The following IL1RAPL2 variants were observed in gnomAD, a reference collection of about 807,000 sequenced individuals.
IL1RAPL2 encodes the protein interleukin 1 receptor accessory protein like 2.
In IL1RAPL2, 3 loss-of-function variants were observed where a neutral mutation model predicts 44.1. The ratio of observed to expected loss-of-function variants is 0.07; its 90% CI spans 0.03 to 0.18. The LOEUF is 0.18. Ranked by LOEUF, IL1RAPL2 falls within the 10% of genes least tolerant of loss-of-function variation. The pLI is 1.00. For synonymous variants in IL1RAPL2, 181 were observed against 178.8 expected (o/e 1.01, Z -0.10); for missense variants, 391 against 496.4 (o/e 0.79, Z 2.02).
At chrX:105,083,599 A>T (rs1184786379) in intron 2 of IL1RAPL2, among the ~76,000 whole-genome samples, 1 of 112,032 alleles carries the variant, frequency 8.9e-6, no homozygotes, top group African/African-American at 3.2e-5. Flanking sequence ...AGGTAAGTCC[A>T]TCAAATTAAC....
intron 5 of IL1RAPL2, among the ~76,000 whole-genome samples, chrX:105,271,675 G>T (rs1435519678): frequency 1.8e-5 from 2 of 110,923 alleles, no homozygotes; most frequent in Non-Finnish European, 3.8e-5. Context: ...CCATGAGCAT[G>T]GAATGTTCTT....
chrX:105,282,120 A>G (rs1413455317), intron 5 of IL1RAPL2, among the ~76,000 whole-genome samples: 2 of 112,299 alleles, frequency 1.8e-5, no homozygotes, highest in Non-Finnish European at 3.8e-5. Context: ...TAAGGTGGTC[A>G]GGGCAAGTAT....
chrX:104,703,473 T>C (rs1261933000), intron 2 of IL1RAPL2, among the ~76,000 whole-genome samples: 2 of 111,949 alleles, frequency 1.8e-5, no homozygotes, highest in Non-Finnish European at 3.8e-5. Flanking sequence ...AGTTAGCTAT[T>C]TATATGACTG....
chrX:104,910,462 G>A (rs5962996), intron 2 of IL1RAPL2, among the ~76,000 whole-genome samples: 6,258 of 111,576 alleles, frequency 0.056, 445 homozygotes, highest in African/African-American at 0.2. Flanking sequence ...GTGGCTTGCT[G>A]CACCCATCAA....
intron 5 of IL1RAPL2, among the ~76,000 whole-genome samples, chrX:105,294,186 T>A (rs1213385305): frequency 2.7e-5 from 3 of 112,007 alleles, no homozygotes; most frequent in Admixed American, 1.9e-4. Flanking sequence ...AATTTCCTTA[T>A]ACTTTTATCA....
chrX:104,839,394 T>C (rs1483616129), intron 2 of IL1RAPL2, among the ~76,000 whole-genome samples: 1 of 111,898 alleles, frequency 8.9e-6, no homozygotes, highest in Non-Finnish European at 1.9e-5. Flanking sequence ...CGTTTATTGA[T>C]TTGCGTATAT....
intron 6 of IL1RAPL2, among the ~76,000 whole-genome samples, chrX:105,675,115 A>G (rs1308464784): frequency 1.8e-5 from 2 of 111,154 alleles, no homozygotes; most frequent in Non-Finnish European, 3.8e-5. Context: ...AAACAAGGAC[A>G]TTTTGATTTC....
chrX:105,289,613 T>A (rs2034597621), intron 5 of IL1RAPL2, among the ~76,000 whole-genome samples: 1 of 111,638 alleles, frequency 9.0e-6, no homozygotes, highest in East Asian at 2.8e-4. Context: ...CACAGGCAAA[T>A]CCAGATTTTT....
chrX:104,654,045 G>C (rs775234232), intron 1 of IL1RAPL2, among the ~76,000 whole-genome samples: 1 of 110,395 alleles, frequency 9.1e-6, no homozygotes, highest in Non-Finnish European at 1.9e-5. Flanking sequence ...AAAACTTAAA[G>C]ATAATTTCCC....
In IL1RAPL2 at chrX:104,582,630, T is replaced by C. The variant is rs866978446; in HGVS notation, c.-20+15579T>C. Among the ~76,000 whole-genome samples, 154 of 87,044 alleles carry C rather than the reference T, an allele frequency of 1.8e-3. 1 individual carries two copies. The highest frequency in any genetic ancestry group is 8.4e-3 in the African/African-American group (153 of 18,148). The allele number at this position is 87,044 out of a possible 115,157, so 75.6% of individuals were successfully genotyped here. The stretch of plus-strand genomic sequence containing the variant: ...TTTCTTTCTTTCTTTCTTTCTTTCT[T>C]TCTTTCTTTCTCTCTTTCTTTCTTT... On this transcript the variant is annotated intron_variant, in intron 1 of 10. Transcript: ENST00000372582.
At chrX:104,864,966 C>T (rs1922579819) in intron 2 of IL1RAPL2, among the ~76,000 whole-genome samples, 1 of 111,307 alleles carries the variant, frequency 9.0e-6, no homozygotes, top group Non-Finnish European at 1.9e-5. Flanking sequence ...GTCCGACTTA[C>T]AGTGGGCCCA....
intron 2 of IL1RAPL2, among the ~76,000 whole-genome samples, chrX:105,016,884 G>A (rs1162410786): frequency 9.0e-6 from 1 of 111,556 alleles, no homozygotes; most frequent in Non-Finnish European, 1.9e-5. Context: ...GTTTCAGAAG[G>A]AATGGTACCA....
At chrX:104,609,696 C>A (rs1929107273) in intron 1 of IL1RAPL2, among the ~76,000 whole-genome samples, 1 of 111,520 alleles carries the variant, frequency 9.0e-6, no homozygotes, top group South Asian at 3.8e-4. Context: ...TTTTTCAGCC[C>A]CATCAGGTCA....
At chrX:104,909,308 A>G (rs1924146060) in intron 2 of IL1RAPL2, among the ~76,000 whole-genome samples, 1 of 111,652 alleles carries the variant, frequency 9.0e-6, no homozygotes, top group Non-Finnish European at 1.9e-5. Flanking sequence ...CGTAGCTCAG[A>G]GTAATTTGAT....
At chrX:105,386,334 TA>T (rs2035476196) in intron 5 of IL1RAPL2, among the ~76,000 whole-genome samples, 1 of 111,859 alleles carries the variant, frequency 8.9e-6, no homozygotes, top group African/African-American at 3.2e-5. Flanking sequence ...GACTATGTAC[TA>T]CTGAAAAGTG....
chrX:104,815,624 A>G (rs1234555586), intron 2 of IL1RAPL2, among the ~76,000 whole-genome samples: 1 of 112,134 alleles, frequency 8.9e-6, no homozygotes, highest in African/African-American at 3.2e-5. Flanking sequence ...ATATGAATAC[A>G]TTTATACATG....
At chrX:105,340,187 C>T (rs759717017) in intron 5 of IL1RAPL2, among the ~76,000 whole-genome samples, 2 of 111,627 alleles carry the variant, frequency 1.8e-5, no homozygotes, top group Admixed American at 1.9e-4. Flanking sequence ...GCAGTCTTCC[C>T]CATCTCAGTT....
chrX:105,038,900 T>C (rs778995565), intron 2 of IL1RAPL2, among the ~76,000 whole-genome samples: 1 of 111,741 alleles, frequency 8.9e-6, no homozygotes, highest in Non-Finnish European at 1.9e-5. Context: ...CTTTGGAATT[T>C]ATCCTCCTGA....
chrX:105,687,848 G>T (rs1053118307), intron 6 of IL1RAPL2, among the ~76,000 whole-genome samples: 1 of 111,422 alleles, frequency 9.0e-6, no homozygotes, highest in African/African-American at 3.3e-5. Flanking sequence ...ACCGAATCCC[G>T]CAGCACATCA....
Sources: gnomAD v4.1 joint callset for allele counts (sites outside exome capture counted in the v4.1 genomes callset) on GRCh38, gnomAD v4.1.1 for gene constraint, MANE v1.5 for transcripts, NCBI Gene and HGNC (gene_info 2026-07-23, HGNC 2026-07-21) for gene names.